Variants in ORC5 observed in about 807,000 individuals in gnomAD.
ORC5 encodes the protein origin recognition complex subunit 5.
Under a neutral mutation model 58.8 loss-of-function variants are expected in ORC5, and 39 were observed. The observed-to-expected ratio is 0.66, with a 90% confidence interval of 0.51 to 0.87. ORC5 has a LOEUF of 0.87. Ranked by LOEUF, ORC5 falls within the 40% of genes least tolerant of loss-of-function variation. The pLI is 0.00. For synonymous variants in ORC5, 218 were observed against 177.6 expected (o/e 1.23, Z -1.81); for missense variants, 493 against 506.3 (o/e 0.97, Z 0.25).
Position 104,200,925 on chromosome 7 carries a change from A to T in ORC5, c.199T>A (p.Phe67Ile), listed in dbSNP as rs557324891. 6.2e-7 allele frequency: 1 copy of T among 1,613,602 alleles called. No homozygotes were observed. The highest frequency in any genetic ancestry group is 1.1e-5 in the South Asian group (1 of 91,020). Reference protein sequence around the residue: ...PHVFVNCVECFTLRLLLEQIL... With the variant: ...PHVFVNCVECITLRLLLEQIL... ...TGTTCCAAAAGCAGCCTCAATGTAA[A>T]GCATTCAACACAATTCACAAACACA... Residue 67 changes from phenylalanine to isoleucine, a missense_variant, in exon 3 of 14, where the codon TTT becomes ATT. Transcript: ENST00000297431.
At chr7:104,168,791 C>G (rs1442064817) in intron 8 of ORC5, among the ~76,000 whole-genome samples, 1 of 152,114 alleles carries the variant, frequency 6.6e-6, no homozygotes, top group African/African-American at 2.4e-5. Context: ...TATCAAAAAA[C>G]TTCACCCAGG....
intron 8 of ORC5, among the ~76,000 whole-genome samples, chr7:104,174,194 A>G (rs1799275068): frequency 6.6e-6 from 1 of 152,194 alleles, no homozygotes; most frequent in Non-Finnish European, 1.5e-5. Flanking sequence ...GTTTGGTAAC[A>G]CACATCTGTA....
intron 12 of ORC5, among the ~76,000 whole-genome samples, chr7:104,159,394 G>A (rs1358083936): frequency 1.4e-4 from 20 of 146,366 alleles, no homozygotes; most frequent in Admixed American, 2.0e-4. Context: ...GAGTTAATGG[G>A]TGCAGCACAC....
intron 5 of ORC5, among the ~76,000 whole-genome samples, chr7:104,189,322 G>T (rs916042702): frequency 2.0e-5 from 3 of 152,104 alleles, no homozygotes; most frequent in African/African-American, 7.2e-5. Context: ...TGCCAGCAGG[G>T]AAAATGCCGG....
chr7:104,192,320 T>C (rs560366675), intron 5 of ORC5, among the ~76,000 whole-genome samples: 1 of 152,200 alleles, frequency 6.6e-6, no homozygotes, highest in South Asian at 2.1e-4. Context: ...GAACAACTTT[T>C]AGGGAAAAAA....
intron 5 of ORC5, among the ~76,000 whole-genome samples, chr7:104,193,127 C>T (rs1273549295): frequency 1.3e-5 from 2 of 152,022 alleles, no homozygotes; most frequent in African/African-American, 4.8e-5. Context: ...GACTTAAGAA[C>T]TCAACAAATC....
At chr7:104,159,020 A>T (rs148912874) in intron 12 of ORC5, among the ~76,000 whole-genome samples, 6,627 of 113,458 alleles carry the variant, frequency 0.058, 482 homozygotes, top group African/African-American at 0.17. Context: ...ATAAAGACAC[A>T]TGCACAAGTA....
chr7:104,167,670 T>A (rs1362445476), intron 9 of ORC5, among the ~76,000 whole-genome samples: 1 of 152,228 alleles, frequency 6.6e-6, no homozygotes. Flanking sequence ...AAATCTACTA[T>A]GTGTCAGACA....
intron 8 of ORC5, among the ~76,000 whole-genome samples, chr7:104,179,925 T>C (rs920681826): frequency 6.6e-6 from 1 of 152,212 alleles, no homozygotes; most frequent in African/African-American, 2.4e-5. Flanking sequence ...CTCCTGTCAC[T>C]TTTTTCCTCT....
At chr7:104,192,611 A>G (rs917886429) in intron 5 of ORC5, among the ~76,000 whole-genome samples, 3 of 152,126 alleles carry the variant, frequency 2.0e-5, no homozygotes, top group African/African-American at 7.2e-5. Context: ...ACACAACAAA[A>G]AGCACAATGT....
At chr7:104,199,558 T>C (rs903013448) in intron 3 of ORC5, among the ~76,000 whole-genome samples, 10 of 152,242 alleles carry the variant, frequency 6.6e-5, no homozygotes, top group South Asian at 2.1e-4. Flanking sequence ...CTACAGCCCC[T>C]TTGTTTGGGC....
chr7:104,197,581 ACT>A, intron 4 of ORC5, 142 bp downstream of exon 4: 1 of 535,378 alleles, frequency 1.9e-6, no homozygotes, highest in Non-Finnish European at 3.3e-6. Context: ...TGAAAAAAAC[ACT>A]GAGCTTTACT....
intron 8 of ORC5, among the ~76,000 whole-genome samples, chr7:104,178,866 G>A (rs1584507367): frequency 1.3e-5 from 2 of 151,908 alleles, no homozygotes; most frequent in African/African-American, 4.8e-5. Context: ...TACACAAAGT[G>A]TATCCCGAAA....
At chr7:104,206,049 AT>A (rs1339094553) in intron 1 of ORC5, among the ~76,000 whole-genome samples, 5 of 152,288 alleles carry the variant, frequency 3.3e-5, no homozygotes, top group Non-Finnish European at 7.3e-5. Flanking sequence ...AATTAAATGC[AT>A]GTTGCTGAGT....
At chr7:104,144,327 T>C (rs765033823) in intron 12 of ORC5, among the ~76,000 whole-genome samples, 3 of 152,204 alleles carry the variant, frequency 2.0e-5, no homozygotes, top group African/African-American at 4.8e-5. Context: ...TATAAAACTT[T>C]AAAAATTATT....
At chr7:104,153,462 A>G (rs556269350) in intron 12 of ORC5, among the ~76,000 whole-genome samples, 1 of 152,306 alleles carries the variant, frequency 6.6e-6, no homozygotes, top group South Asian at 2.1e-4. Context: ...CTCCTTTACC[A>G]TCTTGGAATG....
chr7:104,152,959 T>C (rs1364653891), intron 12 of ORC5, among the ~76,000 whole-genome samples: 1 of 152,186 alleles, frequency 6.6e-6, no homozygotes, highest in East Asian at 1.9e-4. Flanking sequence ...ACTGCTGCAA[T>C]TATACATTCA....
chr7:104,194,099 CTTTT>C (rs34994380), intron 5 of ORC5, among the ~76,000 whole-genome samples: 1 of 133,032 alleles, frequency 7.5e-6, no homozygotes, highest in South Asian at 2.4e-4. Context: ...GGTACAGAGC[CTTTT>C]TTTTTTTTTT....
chr7:104,132,954 G>GAAA (rs1019654556), intron 13 of ORC5, among the ~76,000 whole-genome samples: 6 of 152,058 alleles, frequency 3.9e-5, no homozygotes, highest in African/African-American at 1.2e-4. Flanking sequence ...AAAGAAGCTG[G>GAAA]AAAATGCTGT....
Sources: allele counts gnomAD v4.1 joint callset (sites outside exome capture counted in the v4.1 genomes callset), GRCh38; gene constraint gnomAD v4.1.1; transcripts MANE v1.5; gene names NCBI Gene and HGNC (gene_info 2026-07-23, HGNC 2026-07-21).